Variants in TMEM74 observed in about 807,000 individuals in gnomAD.
TMEM74 encodes transmembrane protein 74.
Under a neutral mutation model 18.1 loss-of-function variants are expected in TMEM74, and 13 were observed. The ratio of observed to expected loss-of-function variants is 0.72; its 90% CI spans 0.47 to 1.14. TMEM74 has a LOEUF of 1.14. Ranked by LOEUF, TMEM74 falls within the 50% of genes most tolerant of loss-of-function variation. TMEM74 has a pLI of 0.00. For synonymous variants in TMEM74, 159 were observed against 146.6 expected, an observed-to-expected ratio of 1.08 and a Z score of -0.61; for missense variants, 372 against 375.9, an observed-to-expected ratio of 0.99 and a Z score of 0.09.
intron 1 of TMEM74, among the ~76,000 whole-genome samples, chr8:108,743,688 T>C (rs1813823150): frequency 6.6e-6 from 1 of 152,162 alleles, no homozygotes; most frequent in African/African-American, 2.4e-5. Context: ...CCCAGGAAAA[T>C]CTTCTAGAGA....
intron 1 of TMEM74, among the ~76,000 whole-genome samples, chr8:108,702,183 A>C (rs1207067650): frequency 6.6e-6 from 1 of 151,864 alleles, no homozygotes; most frequent in African/African-American, 2.4e-5. Flanking sequence ...TCTCTACTAA[A>C]AATACAAAAA....
In TMEM74 at chr8:108,782,836, T is replaced by C. The variant is rs986584228; in HGVS notation, c.*1345A>G. Among the ~76,000 whole-genome samples, 2 of 152,196 alleles carry C rather than the reference T, an allele frequency of 1.3e-5. No homozygotes were observed. Among genetic ancestry groups the C allele is most frequent in the African/African-American group, 4.8e-5 (2 of 41,446 alleles). On this transcript the variant is annotated 3_prime_UTR_variant, in exon 2 of 2. Transcript: ENST00000297459. Reference sequence around the variant, plus strand: ...GGTTGGAAAAACCTCCAGGCAGAGTTGCAAAATGTAAGGTATTTCTGAGGC... The same window carrying C: ...GGTTGGAAAAACCTCCAGGCAGAGTCGCAAAATGTAAGGTATTTCTGAGGC...
chr8:108,744,481 G>T (rs769708683), intron 1 of TMEM74, among the ~76,000 whole-genome samples: 31 of 152,154 alleles, frequency 2.0e-4, no homozygotes, highest in Non-Finnish European at 4.0e-4. Flanking sequence ...AGGGGGAAAG[G>T]CAGGTATGAA....
At chr8:108,735,496 G>A (rs901908047) in intron 1 of TMEM74, among the ~76,000 whole-genome samples, 28 of 152,074 alleles carry the variant, frequency 1.8e-4, no homozygotes, top group African/African-American at 6.0e-4. Context: ...TTCACTTAGC[G>A]TAATGTTTTG....
At chr8:108,741,221 C>T (rs1316515007) in intron 1 of TMEM74, among the ~76,000 whole-genome samples, 1 of 152,016 alleles carries the variant, frequency 6.6e-6, no homozygotes, top group Non-Finnish European at 1.5e-5. Flanking sequence ...ATTCAGGTGG[C>T]TGCTAATCTT....
chr8:108,685,966 A>G (rs986261811), intron 1 of TMEM74, among the ~76,000 whole-genome samples: 1 of 152,152 alleles, frequency 6.6e-6, no homozygotes, highest in Middle Eastern at 3.2e-3. Flanking sequence ...ATGTACATAT[A>G]ATAAAGCCTG....
chr8:108,627,118 C>G (rs1305973450), intron 2 of TMEM74, among the ~76,000 whole-genome samples: 1 of 151,986 alleles, frequency 6.6e-6, no homozygotes, highest in African/African-American at 2.4e-5. Flanking sequence ...TGTGCAAATT[C>G]CATTTTCTTT....
At chr8:108,671,749 A>G (rs1012697662) in intron 1 of TMEM74, among the ~76,000 whole-genome samples, 1 of 152,166 alleles carries the variant, frequency 6.6e-6, no homozygotes, top group South Asian at 2.1e-4. Context: ...GCTCAACTAG[A>G]TTAAAACAAA....
chr8:108,646,377 A>G (rs1340582290), intron 2 of TMEM74, among the ~76,000 whole-genome samples: 1 of 152,142 alleles, frequency 6.6e-6, no homozygotes, highest in East Asian at 1.9e-4. Flanking sequence ...CATTTGAAAA[A>G]TGAGTATAAT....
rs375957723 is a variant in TMEM74 at position 108,745,641 on chromosome 8, T to A, written n.119+41835A>T. Among the ~76,000 whole-genome samples, 32 of 152,164 alleles carry A rather than the reference T, an allele frequency of 2.1e-4. No homozygotes were observed. In the East Asian group the frequency reaches 2.3e-3, roughly 11 times the overall value. On this transcript the variant is annotated intron_variant and non_coding_transcript_variant, in intron 1 of 3. Coordinates refer to the TMEM74 transcript ENST00000518838. ...TAAAATCATAGTGGAATATCTAAGG[T>A]CCATTTTAATTCCATATTGACATCC...
chr8:108,621,923 T>C (rs1812444163), intron 2 of TMEM74, among the ~76,000 whole-genome samples: 1 of 152,142 alleles, frequency 6.6e-6, no homozygotes, highest in South Asian at 2.1e-4. Flanking sequence ...TCCTTATTTC[T>C]GGTCATGATG....
chr8:108,621,765 T>C (rs77250848), intron 2 of TMEM74, among the ~76,000 whole-genome samples: 1 of 152,142 alleles, frequency 6.6e-6, no homozygotes, highest in African/African-American at 2.4e-5. Flanking sequence ...GGTTGAGTTA[T>C]TTAATTTCTT....
chr8:108,695,319 G>C (rs1433763350), intron 1 of TMEM74, among the ~76,000 whole-genome samples: 1 of 152,192 alleles, frequency 6.6e-6, no homozygotes, highest in Admixed American at 6.5e-5. Context: ...GAACACCAAG[G>C]AGATTCGTAG....
intron 1 of TMEM74, among the ~76,000 whole-genome samples, chr8:108,717,352 C>A (rs148217450): frequency 1.1e-3 from 175 of 152,216 alleles, no homozygotes; most frequent in African/African-American, 4.2e-3. Flanking sequence ...AAATGATCAA[C>A]TACTATCAAT....
intron 1 of TMEM74, among the ~76,000 whole-genome samples, chr8:108,765,290 G>T (rs1334654515): frequency 1.3e-5 from 2 of 152,030 alleles, no homozygotes; most frequent in African/African-American, 4.8e-5. Context: ...AGTGATACTG[G>T]AATTTTTAGT....
At chr8:108,694,742 T>C (rs1813263964) in intron 1 of TMEM74, among the ~76,000 whole-genome samples, 2 of 152,194 alleles carry the variant, frequency 1.3e-5, no homozygotes, top group Non-Finnish European at 1.5e-5. Context: ...TAGAGATTTA[T>C]TATAAGGATT....
intron 1 of TMEM74, among the ~76,000 whole-genome samples, chr8:108,672,459 C>T (rs574272394): frequency 1.5e-4 from 23 of 152,284 alleles, no homozygotes; most frequent in Non-Finnish European, 2.6e-4. Flanking sequence ...GAGACACAGT[C>T]TCAGTATCTT....
chr8:108,686,878 G>A (rs1303001275), intron 1 of TMEM74, among the ~76,000 whole-genome samples: 1 of 152,014 alleles, frequency 6.6e-6, no homozygotes, highest in East Asian at 1.9e-4. Context: ...AAGATGGTGA[G>A]TAATCAACAC....
intron 1 of TMEM74, among the ~76,000 whole-genome samples, chr8:108,661,750 C>G (rs1322474345): frequency 6.6e-6 from 1 of 152,040 alleles, no homozygotes; most frequent in Non-Finnish European, 1.5e-5. Context: ...AACGGGGCAG[C>G]CTCCTTTCTG....
Sources: gnomAD v4.1 joint callset for allele counts (sites outside exome capture counted in the v4.1 genomes callset) on GRCh38, gnomAD v4.1.1 for gene constraint, MANE v1.5 for transcripts, NCBI Gene and HGNC (gene_info 2026-07-23, HGNC 2026-07-21) for gene names.